GLI3: variants seen among roughly 807,000 people sequenced by gnomAD.
GLI3 encodes the protein GLI family zinc finger 3, also known as transcription activator GLI3.
Under a neutral mutation model 100.8 loss-of-function variants are expected in GLI3, and 20 were observed. The observed-to-expected ratio is 0.20, with a 90% CI of 0.14 to 0.29. The LOEUF (loss-of-function observed/expected upper bound fraction) is 0.29, where lower values mean the gene tolerates loss of function less well. GLI3 is among the 10% of genes least tolerant of loss of function. The pLI, the probability that GLI3 is intolerant of heterozygous loss-of-function variation, is 1.00. For synonymous variants in GLI3, 938 were observed against 860.5 expected (o/e 1.09, Z -1.58); for missense variants, 2,040 against 2,128.5 (o/e 0.96, Z 0.82).
intron 1 of GLI3, among the ~76,000 whole-genome samples, chr7:42,253,349 G>C (rs540669227): frequency 6.6e-6 from 1 of 152,294 alleles, no homozygotes; most frequent in South Asian, 2.1e-4. Context: ...TGTGCTCAGC[G>C]CATCTGCAGC....
At chr7:42,078,746 T>C (rs1784934442) in intron 3 of GLI3, among the ~76,000 whole-genome samples, 2 of 136,940 alleles carry the variant, frequency 1.5e-5, no homozygotes, top group Non-Finnish European at 3.1e-5. Flanking sequence ...TTTTTTTTTT[T>C]TGAGACGGAG....
intron 4 of GLI3, among the ~76,000 whole-genome samples, chr7:42,061,915 G>T (rs929037405): frequency 1.3e-5 from 2 of 152,100 alleles, no homozygotes; most frequent in African/African-American, 2.4e-5. Flanking sequence ...CATCATGGAG[G>T]ACTGAAAATG....
At chr7:42,043,101 G>C (rs953454683) in intron 6 of GLI3, among the ~76,000 whole-genome samples, 4 of 152,272 alleles carry the variant, frequency 2.6e-5, no homozygotes, top group Non-Finnish European at 2.9e-5. Context: ...AAGGGATGAA[G>C]AGTGACCAGA....
chr7:42,217,848 A>C (rs1214364184), intron 2 of GLI3, among the ~76,000 whole-genome samples: 3 of 152,232 alleles, frequency 2.0e-5, no homozygotes, highest in Admixed American at 6.5e-5. Context: ...TTTGTTTTGG[A>C]TTCATAACGT....
At chr7:42,012,043 G>A (rs1174343278) in intron 10 of GLI3, among the ~76,000 whole-genome samples, 4 of 152,034 alleles carry the variant, frequency 2.6e-5, no homozygotes, top group African/African-American at 7.2e-5. Flanking sequence ...CTCACCGCTC[G>A]TGCCTCTGAG....
intron 2 of GLI3, among the ~76,000 whole-genome samples, chr7:42,210,720 ATTATC>A (rs1480153640): frequency 6.6e-6 from 1 of 152,128 alleles, no homozygotes; most frequent in Admixed American, 6.5e-5. Context: ...AGATTTGCAA[ATTATC>A]TTATCTCTCT....
chr7:42,040,688 T>TAAGATTAA (rs1230948540), intron 6 of GLI3, among the ~76,000 whole-genome samples: 1 of 152,064 alleles, frequency 6.6e-6, no homozygotes, highest in Non-Finnish European at 1.5e-5. Context: ...TAAAGTATCC[T>TAAGATTAA]AAGATTAAAA....
intron 2 of GLI3, among the ~76,000 whole-genome samples, chr7:42,154,405 C>A (rs1483787194): frequency 6.6e-6 from 1 of 152,224 alleles, no homozygotes; most frequent in Non-Finnish European, 1.5e-5. Context: ...CTTGGGGCCC[C>A]ACCCTCCTGT....
At chr7:42,209,814 C>T (rs944493835) in intron 2 of GLI3, among the ~76,000 whole-genome samples, 2 of 122,888 alleles carry the variant, frequency 1.6e-5, no homozygotes, top group African/African-American at 5.2e-5. Flanking sequence ...CTGAGAGGTT[C>T]TCTCTCTTTT....
Position 42,148,386 on chromosome 7 carries a change from G to A in GLI3, c.207C>T (p.Ser69=), listed in dbSNP as rs1260208536. The change falls in exon 3 of 15, where the codon AGC becomes AGT. Residue 69 remains serine (S), a synonymous_variant. Transcript: ENST00000395925. Reference sequence around the variant, plus strand: ...ATGTTGAAGGTTCCTCACTGACTTTGCTGAGCCCCTGGACATTCTGTGGCT... The same window carrying A: ...ATGTTGAAGGTTCCTCACTGACTTTACTGAGCCCCTGGACATTCTGTGGCT... ...TMQPQNVQGL[S]KVSEEPSTSS... 3.7e-6 allele frequency: 6 copies of A among 1,614,150 alleles called. No individual in the cohort carries two copies. Among genetic ancestry groups the A allele is most frequent in the Non-Finnish European group, 5.1e-6 (6 of 1,180,008 alleles).
intron 2 of GLI3, among the ~76,000 whole-genome samples, chr7:42,205,793 A>C (rs1788138442): frequency 6.6e-6 from 1 of 152,194 alleles, no homozygotes; most frequent in Non-Finnish European, 1.5e-5. Flanking sequence ...TTTTTAAAAC[A>C]CTTCTAAAGA....
At chr7:42,024,139 T>G (rs893971907) in intron 9 of GLI3, among the ~76,000 whole-genome samples, 3 of 152,188 alleles carry the variant, frequency 2.0e-5, no homozygotes, top group African/African-American at 7.2e-5. Flanking sequence ...GTGAGACACT[T>G]TTGTAGACTT....
intron 1 of GLI3, among the ~76,000 whole-genome samples, chr7:42,248,106 C>G (rs994092445): frequency 3.3e-5 from 5 of 152,148 alleles, no homozygotes; most frequent in Non-Finnish European, 1.5e-5. Flanking sequence ...TACTTTTTAA[C>G]TAAAAATATA....
In GLI3 at chr7:42,104,708, C is replaced by T. The variant is rs561033774; in HGVS notation, c.368-27851G>A. Among the ~76,000 whole-genome samples the T allele has an allele frequency of 2.6e-5, 4 of 152,226 alleles. No homozygotes were observed. The South Asian group carries it at 6.2e-4, about 24-fold the overall frequency. On this transcript the variant is annotated intron_variant, in intron 3 of 14. Transcript: ENST00000395925. ...AAATTCACATATTGAACTCTAATCC[C>T]CAATGTAATGGTATTTGGCAGTATG... is the stretch of plus-strand genomic sequence containing the variant.
chr7:42,229,632 T>C (rs1236510116), intron 1 of GLI3, among the ~76,000 whole-genome samples: 2 of 152,210 alleles, frequency 1.3e-5, no homozygotes, highest in African/African-American at 2.4e-5. Flanking sequence ...CTCATACTTA[T>C]ATTACTAGTA....
intron 14 of GLI3, among the ~76,000 whole-genome samples, chr7:41,967,222 C>T (rs913875232): frequency 1.3e-5 from 2 of 152,174 alleles, no homozygotes; most frequent in Non-Finnish European, 2.9e-5. Context: ...TTCTGACTTT[C>T]CTTGAACTGG....
chr7:42,154,456 C>T (rs1786953941), intron 2 of GLI3, among the ~76,000 whole-genome samples: 1 of 152,236 alleles, frequency 6.6e-6, no homozygotes, highest in African/African-American at 2.4e-5. Flanking sequence ...TCCTTTCCTC[C>T]CAGGAAATTG....
chr7:42,167,040 T>C (rs1787259872), intron 2 of GLI3, among the ~76,000 whole-genome samples: 1 of 152,156 alleles, frequency 6.6e-6, no homozygotes, highest in African/African-American at 2.4e-5. Context: ...TTGGCCAGGC[T>C]GGTCTCGAAC....
chr7:41,964,357 T>C lies in GLI3; in HGVS notation c.4716A>G (p.Glu1572=). The C allele has an allele frequency of 6.2e-7, 1 of 1,614,160 alleles. No individual in the cohort carries two copies. Among genetic ancestry groups the C allele is most frequent in the Admixed American group, 1.7e-5 (1 of 60,034 alleles). ...ATTGCATAACTGCAAGGAATTTGCT[T>C]TCTTCCGCTAGGGAGGTCAGCAAAG... ...MSSLLTSLAE[E]SKFLAVMQ Residue 1572 remains glutamate, a synonymous_variant, in exon 15 of 15, where the codon GAA becomes GAG. Transcript: ENST00000395925.
Sources: allele counts gnomAD v4.1 joint callset (sites outside exome capture counted in the v4.1 genomes callset), GRCh38; gene constraint gnomAD v4.1.1; transcripts MANE v1.5; gene names NCBI Gene and HGNC (gene_info 2026-07-23, HGNC 2026-07-21).